Variants in UNC13B observed in about 807,000 individuals in gnomAD.
UNC13B encodes unc-13 homolog B.
In UNC13B, 144 loss-of-function variants were observed where a neutral mutation model predicts 211.0. That is an observed-to-expected ratio of 0.68 (90% CI 0.60 to 0.78). The LOEUF (loss-of-function observed/expected upper bound fraction) is 0.78, where lower values mean the gene tolerates loss of function less well. Ranked by LOEUF, UNC13B falls within the 30% of genes least tolerant of loss-of-function variation. The pLI is 0.00. For missense variants in UNC13B, 1,777 were observed against 2,002.0 expected (o/e 0.89, Z 2.14); for synonymous variants, 709 against 725.8 (o/e 0.98, Z 0.37).
chr9:35,388,280 T>C (rs1434066892), intron 24 of UNC13B, among the ~76,000 whole-genome samples: 1 of 152,060 alleles, frequency 6.6e-6, no homozygotes, highest in Non-Finnish European at 1.5e-5. Context: ...TGATGGTGGG[T>C]GCTTGGAATC....
chr9:35,350,088 A>G (rs6476483), intron 11 of UNC13B, among the ~76,000 whole-genome samples: 25,193 of 152,082 alleles, frequency 0.17, 3,168 homozygotes, highest in African/African-American at 0.34. Flanking sequence ...CAGGACTGGA[A>G]TATTAGTTGT....
chr9:35,272,862 C>T (rs2131687221), intron 7 of UNC13B, among the ~76,000 whole-genome samples: 1 of 152,318 alleles, frequency 6.6e-6, no homozygotes, highest in East Asian at 1.9e-4. Context: ...CCTCCCTTAA[C>T]TACTTACCGT....
intron 7 of UNC13B, among the ~76,000 whole-genome samples, chr9:35,294,934 T>C (rs1237055879): frequency 1.3e-5 from 2 of 152,256 alleles, no homozygotes; most frequent in Non-Finnish European, 2.9e-5. Flanking sequence ...TACGAAATTG[T>C]AGTCACTGCT....
intron 1 of UNC13B, among the ~76,000 whole-genome samples, chr9:35,175,544 T>C (rs1821576695): frequency 6.6e-6 from 1 of 152,090 alleles, no homozygotes. Context: ...AGGAGACTTG[T>C]TGAGGTTTAG....
intron 3 of UNC13B, 81 bp from the exon 4 acceptor site, chr9:35,236,388 C>T (rs1587434487): frequency 8.5e-7 from 1 of 1,174,902 alleles, no homozygotes; most frequent in East Asian, 2.4e-5. Context: ...AGAAAGCATT[C>T]AAAGTTTAGC....
intron 1 of UNC13B, among the ~76,000 whole-genome samples, chr9:35,224,238 A>G (rs1564077558): frequency 6.6e-6 from 1 of 152,168 alleles, no homozygotes; most frequent in Non-Finnish European, 1.5e-5. Context: ...ATTGCTTTGG[A>G]TAATACAGTC....
chr9:35,272,232 C>T (rs560574698), intron 7 of UNC13B, among the ~76,000 whole-genome samples: 83 of 131,436 alleles, frequency 6.3e-4, no homozygotes, highest in African/African-American at 1.9e-3. Context: ...TTGGTTGTTT[C>T]ATTTTGTTTT....
At chr9:35,294,311 CT>C (rs397955364) in intron 7 of UNC13B, among the ~76,000 whole-genome samples, 191 of 146,108 alleles carry the variant, frequency 1.3e-3, no homozygotes, top group Middle Eastern at 3.6e-3. Flanking sequence ...ACAAGATTAT[CT>C]TTTTTTTTTT....
At chr9:35,367,841 G>C (rs2132165590) in intron 12 of UNC13B, among the ~76,000 whole-genome samples, 1 of 152,302 alleles carries the variant, frequency 6.6e-6, no homozygotes, top group Admixed American at 6.5e-5. Flanking sequence ...TTCTTAAAGA[G>C]AGAAGAGAGT....
intron 7 of UNC13B, among the ~76,000 whole-genome samples, chr9:35,266,282 A>G (rs937031121): frequency 2.0e-5 from 3 of 152,158 alleles, no homozygotes; most frequent in African/African-American, 7.2e-5. Flanking sequence ...AGATTCCTTC[A>G]TGTGGATGGC....
intron 7 of UNC13B, among the ~76,000 whole-genome samples, chr9:35,266,238 G>A (rs1827566275): frequency 6.6e-6 from 1 of 152,198 alleles, no homozygotes; most frequent in South Asian, 2.1e-4. Flanking sequence ...TCCAGCTGTA[G>A]CACATCATAT....
intron 11 of UNC13B, among the ~76,000 whole-genome samples, chr9:35,336,883 A>G (rs920398610): frequency 3.9e-5 from 6 of 152,178 alleles, no homozygotes; most frequent in African/African-American, 1.4e-4. Context: ...CTGACAAAGC[A>G]CTTGAAAAGG....
chr9:35,381,489 C>A, intron 19 of UNC13B, 67 bp from the exon 20 acceptor site: 1 of 1,527,828 alleles, frequency 6.5e-7, no homozygotes, highest in East Asian at 2.3e-5. Context: ...TGGGCTTTAC[C>A]ACCAAGTTTG....
chr9:35,375,253 A>T lies in UNC13B; in HGVS notation c.9615+52A>T, dbSNP rs748182415. ...TCCACTGGCCTCAGGACTGGTGATC[A>T]TCTCTGTAGCCATGCTATTAATAAT... is the stretch of plus-strand genomic sequence containing the variant. On this transcript the variant is annotated intron_variant, in intron 14 of 39. Transcript: ENST00000635942. The T allele has an allele frequency of 3.7e-5, 58 of 1,567,806 alleles. No individual in the cohort carries two copies. The South Asian group carries it at 6.1e-4, about 16-fold the overall frequency.
At chr9:35,357,166 C>T (rs534325613) in intron 11 of UNC13B, among the ~76,000 whole-genome samples, 1 of 152,252 alleles carries the variant, frequency 6.6e-6, no homozygotes, top group Admixed American at 6.5e-5. Flanking sequence ...AGACTGTTTT[C>T]CAAAGTCATT....
chr9:35,386,374 A>G, intron 24 of UNC13B, 81 bp downstream of exon 24: 3 of 1,579,022 alleles, frequency 1.9e-6, no homozygotes, highest in East Asian at 4.5e-5. Flanking sequence ...GTGGTGGAAA[A>G]GCACTCAGGA....
intron 7 of UNC13B, among the ~76,000 whole-genome samples, chr9:35,287,439 G>A (rs140310831): frequency 6.6e-6 from 1 of 152,218 alleles, no homozygotes; most frequent in Non-Finnish European, 1.5e-5. Flanking sequence ...ACTTCACTGT[G>A]CATTCTCGCT....
intron 1 of UNC13B, among the ~76,000 whole-genome samples, chr9:35,174,324 ATT>A (rs60213475): frequency 4.9e-5 from 7 of 142,030 alleles, no homozygotes; most frequent in Admixed American, 7.1e-5. Flanking sequence ...CACCCAGCTA[ATT>A]TTTTTTTTTT....
chr9:35,366,846 C>T, intron 11 of UNC13B, 101 bp from the exon 12 acceptor site: 1 of 1,008,774 alleles, frequency 9.9e-7, no homozygotes, highest in Non-Finnish European at 1.6e-6. Flanking sequence ...GTGAATGTGA[C>T]TTACACTGCT....
Sources: gnomAD v4.1 joint callset for allele counts (sites outside exome capture counted in the v4.1 genomes callset) on GRCh38, gnomAD v4.1.1 for gene constraint, MANE v1.5 for transcripts, NCBI Gene and HGNC (gene_info 2026-07-23, HGNC 2026-07-21) for gene names.